Variants in EPB41L5 observed in about 807,000 individuals in gnomAD.
EPB41L5 encodes the protein band 4.1-like protein 5.
Under a neutral mutation model 106.6 loss-of-function variants are expected in EPB41L5, and 55 were observed. The observed-to-expected ratio is 0.52, with a 90% CI of 0.42 to 0.65. The LOEUF (loss-of-function observed/expected upper bound fraction) is 0.65. Among genes scored for constraint, EPB41L5 ranks in the 30% least tolerant of loss-of-function variants. EPB41L5 has a pLI of 0.00. For synonymous variants in EPB41L5, 297 were observed against 306.7 expected, an observed-to-expected ratio of 0.97 and a Z score of 0.33; for missense variants, 871 against 882.1, an observed-to-expected ratio of 0.99 and a Z score of 0.16.
chr2:120,164,044 G>A (rs4261728), intron 21 of EPB41L5, among the ~76,000 whole-genome samples: 80,273 of 127,938 alleles, frequency 0.63, 26,531 homozygotes, highest in Middle Eastern at 0.73. Flanking sequence ...GTGCAGTGGC[G>A]CGATCTCGGC....
At position 120,169,226 on chromosome 2, in the gene EPB41L5, A is replaced by G. The variant is rs1000461948; in HGVS notation, c.2135+1219A>G. On this transcript the variant is annotated intron_variant, in intron 24 of 24. Transcript: ENST00000263713. Reference sequence around the variant, plus strand: ...GGTTTATGAAAAAAATGATGATGCAATGCTGTAAGGAAAGAATGGTCTTTC... The same window carrying G: ...GGTTTATGAAAAAAATGATGATGCAGTGCTGTAAGGAAAGAATGGTCTTTC... Among the ~76,000 whole-genome samples, 41 of 152,230 alleles carry G rather than the reference A, an allele frequency of 2.7e-4. 1 individual carries two copies. The highest frequency in any genetic ancestry group is 8.0e-4 in the African/African-American group (33 of 41,462).
chr2:120,128,834 G>A (rs1685569633), intron 17 of EPB41L5, among the ~76,000 whole-genome samples: 1 of 151,344 alleles, frequency 6.6e-6, no homozygotes, highest in South Asian at 2.1e-4. Context: ...GTAGTAGTCT[G>A]TTATTAGATT....
intron 2 of EPB41L5, among the ~76,000 whole-genome samples, chr2:120,028,564 T>A (rs1482510768): frequency 6.6e-6 from 1 of 151,870 alleles, no homozygotes; most frequent in African/African-American, 2.4e-5. Flanking sequence ...AATTTAGAGG[T>A]GATATGCTTG....
chr2:120,073,043 C>A, intron 3 of EPB41L5, 135 bp from the exon 4 acceptor site: 1 of 675,044 alleles, frequency 1.5e-6, no homozygotes, highest in Non-Finnish European at 2.5e-6. Context: ...TTTTCTCATT[C>A]ACTTGGGTTT....
intron 13 of EPB41L5, 92 bp from the exon 14 acceptor site, chr2:120,093,157 T>TTA: frequency 9.9e-7 from 1 of 1,015,224 alleles, no homozygotes; most frequent in Admixed American, 1.8e-5. Flanking sequence ...ACATGGCTTG[T>TTA]AAAGCAATTA....
At chr2:120,141,957 G>A (rs1158352191) in intron 18 of EPB41L5, among the ~76,000 whole-genome samples, 1 of 151,854 alleles carries the variant, frequency 6.6e-6, no homozygotes, top group African/African-American at 2.4e-5. Flanking sequence ...TGTTTCTCAG[G>A]CTAAGACTAA....
chr2:120,076,863 G>GT, intron 7 of EPB41L5, 108 bp from the exon 8 acceptor site: 2 of 1,067,204 alleles, frequency 1.9e-6, no homozygotes, highest in Non-Finnish European at 2.6e-6. Flanking sequence ...ATGAATTTTT[G>GT]TAAGAAATTC....
chr2:120,090,810 C>T (rs1470763995), intron 12 of EPB41L5, among the ~76,000 whole-genome samples: 1 of 152,162 alleles, frequency 6.6e-6, no homozygotes, highest in Non-Finnish European at 1.5e-5. Context: ...ATGGACTCTC[C>T]ACCCACCACT....
At chr2:120,091,718 G>T (rs1683425199) in intron 13 of EPB41L5, 57 bp downstream of exon 13, 1 of 1,370,106 alleles carries the variant, frequency 7.3e-7, no homozygotes, top group Non-Finnish European at 1.0e-6. Context: ...ATTATGTGCT[G>T]GTGTTGTTTC....
intron 3 of EPB41L5, among the ~76,000 whole-genome samples, chr2:120,049,290 G>A (rs1477504532): frequency 1.3e-5 from 2 of 152,192 alleles, no homozygotes; most frequent in African/African-American, 4.8e-5. Context: ...TTATTGTGTG[G>A]GAGTCTAAGT....
Position 120,019,188 on chromosome 2 carries a change from C to A in EPB41L5, c.104C>A (p.Ala35Glu), listed in dbSNP as rs756990594. The change falls in exon 2 of 25, where the codon GCA (alanine) becomes GAA (glutamate). Residue 35 changes from alanine (A) to glutamate (E), a missense_variant. Transcript: ENST00000263713. ...EAQRAATHIP[A>E]AGDSKSIITC... ...CAACGCGCCGCCACACATATTCCTG[C>A]AGCTGGAGATTCTAAGTCCATCATC... 2 of 1,613,962 alleles carry A rather than the reference C, an allele frequency of 1.2e-6. No homozygotes were observed. The highest frequency in any genetic ancestry group is 2.2e-5 in the South Asian group (2 of 91,056).
chr2:120,137,137 G>A (rs1685957606), intron 18 of EPB41L5, among the ~76,000 whole-genome samples: 1 of 151,986 alleles, frequency 6.6e-6, no homozygotes, highest in African/African-American at 2.4e-5. Context: ...GGTCAATGAA[G>A]AAGTAAGGAA....
At position 120,175,591 on chromosome 2, in the gene EPB41L5, A is replaced by G. The variant is rs1032021283; in HGVS notation, c.*684A>G. The stretch of plus-strand genomic sequence containing the variant: ...CGGAGAAATCAAATAAAATCCTGTC[A>G]TATTTTTTTCACCCTGCCTTTCCAC... On this transcript the variant is annotated 3_prime_UTR_variant, in exon 25 of 25. Transcript: ENST00000263713. 1 of 152,140 alleles carries G rather than the reference A, an allele frequency of 6.6e-6. No homozygotes were observed. The highest frequency in any genetic ancestry group is 1.5e-5 in the Non-Finnish European group (1 of 68,046). The allele number at this position is 152,140 out of a possible 1,614,324, so 9.4% of individuals were successfully genotyped here.
chr2:120,118,293 T>C (rs1685044763), intron 16 of EPB41L5, among the ~76,000 whole-genome samples: 1 of 152,244 alleles, frequency 6.6e-6, no homozygotes, highest in African/African-American at 2.4e-5. Context: ...TATGTCCACA[T>C]AGAAAAGAAT....
chr2:120,127,330 T>A (rs543798718), intron 16 of EPB41L5, among the ~76,000 whole-genome samples: 218 of 152,222 alleles, frequency 1.4e-3, no homozygotes, highest in Middle Eastern at 0.014. Context: ...GTTAGTATAG[T>A]CCCTCAGTAT....
intron 17 of EPB41L5, among the ~76,000 whole-genome samples, chr2:120,129,684 A>T (rs568087034): frequency 9.2e-4 from 140 of 152,388 alleles, no homozygotes; most frequent in African/African-American, 3.2e-3. Flanking sequence ...ATGCTTAAAA[A>T]AAGATCAAAT....
chr2:120,123,367 C>T (rs758675697), intron 16 of EPB41L5, among the ~76,000 whole-genome samples: 44 of 149,598 alleles, frequency 2.9e-4, no homozygotes, highest in Non-Finnish European at 5.0e-4. Context: ...CGTGCCCCCT[C>T]GCTTGAGCCA....
chr2:120,104,026 A>G lies in EPB41L5; in HGVS notation c.1337+3212A>G, dbSNP rs939012841. On this transcript the variant is annotated intron_variant, in intron 16 of 24. Transcript: ENST00000263713. ...CCATTTTCTCCTATTCCTATTGACT[A>G]ACTGTGCTCCCCTCCCACTCCCCAA... 1.5e-5 allele frequency: 22 copies of G among 1,493,558 alleles called. No individual in the cohort carries two copies. In the Admixed American group the frequency reaches 3.1e-4, roughly 21 times the overall value. The allele number at this position is 1,493,558 out of a possible 1,614,324, so 92.5% of individuals were successfully genotyped here.
chr2:120,153,262 TTTTA>T (rs1431239838), intron 20 of EPB41L5, among the ~76,000 whole-genome samples: 2 of 152,200 alleles, frequency 1.3e-5, no homozygotes, highest in Admixed American at 6.5e-5. Flanking sequence ...TTTGAGAATG[TTTTA>T]TTTAATTTCT....
Sources: gnomAD v4.1 joint callset for allele counts (sites outside exome capture counted in the v4.1 genomes callset) on GRCh38, gnomAD v4.1.1 for gene constraint, MANE v1.5 for transcripts, NCBI Gene and HGNC (gene_info 2026-07-23, HGNC 2026-07-21) for gene names.